CFAP77: variants seen among roughly 807,000 people sequenced by gnomAD.
The protein encoded by CFAP77 is cilia- and flagella-associated protein 77.
Under a neutral mutation model 31.1 loss-of-function variants are expected in CFAP77, and 25 were observed. That is an observed-to-expected ratio of 0.80 (90% CI 0.59 to 1.12). The LOEUF (loss-of-function observed/expected upper bound fraction) is 1.12, where lower values mean the gene tolerates loss of function less well. CFAP77 is among the 50% of genes most tolerant of loss of function. The probability of loss-of-function intolerance (pLI) is 0.00; values close to 1 mark genes in which losing one functional copy is unlikely to be tolerated. For missense variants in CFAP77, 377 were observed against 397.3 expected, an observed-to-expected ratio of 0.95 and a Z score of 0.44; for synonymous variants, 151 against 159.9, an observed-to-expected ratio of 0.94 and a Z score of 0.42.
intron 3 of CFAP77, among the ~76,000 whole-genome samples, chr9:132,514,069 CACAG>C (rs1247227058): frequency 8.9e-5 from 13 of 146,476 alleles, no homozygotes; most frequent in African/African-American, 1.5e-4. Context: ...TGTCCCTGAC[CACAG>C]GTGATGGTGA....
intron 3 of CFAP77, among the ~76,000 whole-genome samples, chr9:132,503,410 G>A (rs1851887000): frequency 6.6e-6 from 1 of 152,184 alleles, no homozygotes; most frequent in Non-Finnish European, 1.5e-5. Context: ...CAGGAGAGGG[G>A]CCCTGGGTCG....
chr9:132,479,682 TG>T (rs1851414464), intron 1 of CFAP77, among the ~76,000 whole-genome samples: 1 of 152,178 alleles, frequency 6.6e-6, no homozygotes, highest in Non-Finnish European at 1.5e-5. Flanking sequence ...TGAAAGCGTG[TG>T]GGCAGGTGGG....
intron 3 of CFAP77, among the ~76,000 whole-genome samples, chr9:132,523,029 T>G (rs1852296618): frequency 6.6e-6 from 1 of 152,054 alleles, no homozygotes; most frequent in African/African-American, 2.4e-5. Flanking sequence ...CCATCCCTAG[T>G]TCTGCTCCCC....
intron 1 of CFAP77, among the ~76,000 whole-genome samples, chr9:132,446,660 G>A (rs1850723176): frequency 1.4e-5 from 2 of 148,036 alleles, no homozygotes; most frequent in South Asian, 4.2e-4. Flanking sequence ...AGAATAGTGT[G>A]AACCCAGGAG....
At chr9:132,475,720 A>G (rs1357698332) in intron 1 of CFAP77, among the ~76,000 whole-genome samples, 1 of 152,198 alleles carries the variant, frequency 6.6e-6, no homozygotes, top group Admixed American at 6.5e-5. Flanking sequence ...AGGCCTGAGC[A>G]TTGCTCTCCT....
At chr9:132,505,526 T>A (rs573688338) in intron 3 of CFAP77, among the ~76,000 whole-genome samples, 1 of 151,646 alleles carries the variant, frequency 6.6e-6, no homozygotes, top group South Asian at 2.1e-4. Context: ...CGTGTAGACA[T>A]AGGGTCAGTC....
At chr9:132,530,142 T>C (rs1315375632) in intron 3 of CFAP77, among the ~76,000 whole-genome samples, 5 of 147,758 alleles carry the variant, frequency 3.4e-5, no homozygotes, top group East Asian at 3.9e-4. Context: ...TTTTCTTTTT[T>C]TTTTTTTTTT....
chr9:132,491,852 C>T (rs925522953), intron 1 of CFAP77, among the ~76,000 whole-genome samples: 11 of 152,160 alleles, frequency 7.2e-5, no homozygotes, highest in African/African-American at 2.4e-4. Context: ...TATCTATTAG[C>T]TTATGGGAAA....
Position 132,486,040 on chromosome 9 carries a change from ATGTATGTATATGTATGTGTGTGTGTG to A in CFAP77, c.196-12653_196-12628del, listed in dbSNP as rs1564223096. Among the ~76,000 whole-genome samples, 72 of 32,354 alleles carry A rather than the reference ATGTATGTATATGTATGTGTGTGTGTG, an allele frequency of 2.2e-3. 4 individuals are homozygous for A. The highest frequency in any genetic ancestry group is 0.017 in the African/African-American group (38 of 2,294). The allele number at this position is 32,354 out of a possible 152,430, so 21.2% of individuals were successfully genotyped here. On this transcript the variant is annotated intron_variant, in intron 1 of 5. Coordinates refer to ENST00000393216, the MANE Select transcript of CFAP77 (RefSeq NM_001282957.2). ...TATATATATATATATATATATATAT[ATGTATGTATATGTATGTGTGTGTGTG>A]TATATATATATATATATATATATAT...
chr9:132,461,379 C>T (rs1851047264), intron 1 of CFAP77, among the ~76,000 whole-genome samples: 2 of 152,214 alleles, frequency 1.3e-5, no homozygotes, highest in Non-Finnish European at 2.9e-5. Flanking sequence ...TTAAAGACCC[C>T]TGGTACAGCC....
intron 1 of CFAP77, among the ~76,000 whole-genome samples, chr9:132,491,090 G>C (rs548423120): frequency 6.6e-6 from 1 of 152,186 alleles, no homozygotes; most frequent in African/African-American, 2.4e-5. Context: ...TGAGCTGCTG[G>C]GACAGGTTCC....
At chr9:132,482,495 C>A in intron 1 of CFAP77, 1 of 1,093,246 alleles carries the variant, frequency 9.1e-7, no homozygotes, top group Non-Finnish European at 1.4e-6. Context: ...CTTCCGCACA[C>A]CTACTGCGTG....
intron 1 of CFAP77, among the ~76,000 whole-genome samples, chr9:132,477,801 T>C (rs1180705425): frequency 1.3e-5 from 2 of 152,088 alleles, no homozygotes; most frequent in Admixed American, 6.5e-5. Flanking sequence ...TGGGAGGCCG[T>C]AGGCTCAGAC....
chr9:132,555,554 C>T (rs12348706), intron 5 of CFAP77, among the ~76,000 whole-genome samples: 12,901 of 152,252 alleles, frequency 0.085, 567 homozygotes, highest in Middle Eastern at 0.12. Context: ...CCTGAGAAAG[C>T]ACTGTCAGGT....
Position 132,545,245 on chromosome 9 carries a change from G to A in CFAP77, c.732+2198G>A, listed in dbSNP as rs1852713487. Among the ~76,000 whole-genome samples the A allele has an allele frequency of 6.6e-6, 1 of 152,232 alleles. No homozygotes were observed. The highest frequency in any genetic ancestry group is 1.5e-5 in the Non-Finnish European group (1 of 68,046). On this transcript the variant is annotated intron_variant, in intron 5 of 5. Transcript: ENST00000393216. This position sits in a 1 kb window ranked among gnomAD's most constrained non-coding sequence, Gnocchi z 4.6. ...CAGGAATGATGGCCTCCTGTGCCATGCCAGGCACTGTGTGAGGTCATGTGT... is the reference window on the plus strand; with the variant it reads ...CAGGAATGATGGCCTCCTGTGCCATACCAGGCACTGTGTGAGGTCATGTGT...
intron 1 of CFAP77, among the ~76,000 whole-genome samples, chr9:132,494,005 G>A (rs528311009): frequency 1.1e-4 from 16 of 151,888 alleles, no homozygotes; most frequent in South Asian, 2.1e-4. Flanking sequence ...TCCACCTCCC[G>A]GGTTCAAGTG....
At chr9:132,446,870 G>T (rs1178481783) in intron 1 of CFAP77, among the ~76,000 whole-genome samples, 2 of 151,926 alleles carry the variant, frequency 1.3e-5, no homozygotes, top group Non-Finnish European at 2.9e-5. Flanking sequence ...AGCCCTGTGA[G>T]ATAGGAATCA....
chr9:132,513,592 T>C (rs1414779669), intron 3 of CFAP77, among the ~76,000 whole-genome samples: 1 of 152,184 alleles, frequency 6.6e-6, no homozygotes, highest in Non-Finnish European at 1.5e-5. Context: ...TGCACATGAC[T>C]CGCTCATCTC....
chr9:132,462,251 G>A (rs912010433), intron 1 of CFAP77, among the ~76,000 whole-genome samples: 3 of 151,054 alleles, frequency 2.0e-5, no homozygotes, highest in Non-Finnish European at 2.9e-5. Flanking sequence ...TCTCTAGGAC[G>A]TGTTTCTTGT....
Sources: gnomAD v4.1 joint callset for allele counts (sites outside exome capture counted in the v4.1 genomes callset) on GRCh38, gnomAD v4.1.1 for gene constraint, Gnocchi (gnomAD v3.1) non-coding constraint, MANE v1.5 for transcripts, NCBI Gene and HGNC (gene_info 2026-07-23, HGNC 2026-07-21) for gene names.